Variants in TCF12 observed in about 807,000 individuals in gnomAD.
TCF12 encodes transcription factor 12.
Under a neutral mutation model 86.0 loss-of-function variants are expected in TCF12, and 45 were observed. That is an observed-to-expected ratio of 0.52 (90% CI 0.41 to 0.67). TCF12 has a LOEUF of 0.67. Among genes scored for constraint, TCF12 ranks in the 30% least tolerant of loss-of-function variants. The pLI is 0.00. For synonymous variants in TCF12, 330 were observed against 299.6 expected (o/e 1.10, Z -1.05); for missense variants, 881 against 859.9 (o/e 1.02, Z -0.31).
At chr15:57,060,103 T>C (rs1180168968) in intron 3 of TCF12, among the ~76,000 whole-genome samples, 2 of 152,218 alleles carry the variant, frequency 1.3e-5, no homozygotes, top group East Asian at 3.8e-4. Flanking sequence ...CCTTAAAAAC[T>C]TGAATTTTAC....
At chr15:57,236,014 G>A (rs1338708065) in intron 12 of TCF12, among the ~76,000 whole-genome samples, 2 of 152,196 alleles carry the variant, frequency 1.3e-5, no homozygotes, top group East Asian at 3.9e-4. Flanking sequence ...GTGAAGAAAT[G>A]TTTAATCTAG....
At chr15:57,115,208 C>G (rs2050758822) in intron 5 of TCF12, among the ~76,000 whole-genome samples, 2 of 152,148 alleles carry the variant, frequency 1.3e-5, no homozygotes, top group Non-Finnish European at 2.9e-5. Context: ...AAGTTCTATT[C>G]AAAAATTATA....
chr15:57,122,296 C>G (rs867937882), intron 5 of TCF12, among the ~76,000 whole-genome samples: 158 of 151,932 alleles, frequency 1.0e-3, no homozygotes, highest in African/African-American at 3.8e-3. Flanking sequence ...AGGAGAGATG[C>G]ATGTTTGATT....
chr15:57,152,939 C>T (rs1338245615), intron 5 of TCF12, among the ~76,000 whole-genome samples: 1 of 151,688 alleles, frequency 6.6e-6, no homozygotes, highest in Non-Finnish European at 1.5e-5. Context: ...TTGAAGACAA[C>T]CAGAGGCAGA....
intron 5 of TCF12, among the ~76,000 whole-genome samples, chr15:57,103,752 A>G (rs915031271): frequency 1.3e-4 from 20 of 152,320 alleles, no homozygotes; most frequent in African/African-American, 4.8e-4. Flanking sequence ...TGCACTCATT[A>G]AAACTTACCT....
At chr15:56,955,050 G>C (rs1320237814) in intron 3 of TCF12, among the ~76,000 whole-genome samples, 1 of 151,936 alleles carries the variant, frequency 6.6e-6, no homozygotes, top group Non-Finnish European at 1.5e-5. Context: ...CCCATTACTG[G>C]GTATATACCC....
At chr15:57,008,064 C>A (rs939789306) in intron 3 of TCF12, among the ~76,000 whole-genome samples, 7 of 151,518 alleles carry the variant, frequency 4.6e-5, no homozygotes, top group African/African-American at 1.7e-4. Context: ...GGGCTCAAGC[C>A]ATCCTCATGC....
intron 5 of TCF12, among the ~76,000 whole-genome samples, chr15:57,133,667 G>A (rs984669526): frequency 6.7e-6 from 1 of 149,816 alleles, no homozygotes; most frequent in Admixed American, 6.7e-5. Flanking sequence ...AGTGCTGGCT[G>A]AATAGTTACA....
intron 3 of TCF12, among the ~76,000 whole-genome samples, chr15:57,061,390 C>T (rs1466765482): frequency 6.6e-6 from 1 of 151,854 alleles, no homozygotes; most frequent in African/African-American, 2.4e-5. Flanking sequence ...GCCAGGAGTT[C>T]AAGACCAACC....
intron 3 of TCF12, among the ~76,000 whole-genome samples, chr15:57,044,178 A>T (rs1201062467): frequency 1.3e-5 from 2 of 152,212 alleles, no homozygotes; most frequent in Non-Finnish European, 2.9e-5. Context: ...AAACATGGAC[A>T]GAGTCAGAAC....
At chr15:57,039,340 C>G (rs1225298139) in intron 3 of TCF12, among the ~76,000 whole-genome samples, 3 of 152,112 alleles carry the variant, frequency 2.0e-5, no homozygotes, top group Non-Finnish European at 2.9e-5. Flanking sequence ...CCTGCTTTAC[C>G]CTATTTCTGA....
chr15:57,166,602 G>A, intron 6 of TCF12, 136 bp downstream of exon 6: 1 of 675,970 alleles, frequency 1.5e-6, no homozygotes. Flanking sequence ...GTTGTTTTTT[G>A]CTCTCTTTGC....
At chr15:57,004,454 G>T (rs184192974) in intron 3 of TCF12, among the ~76,000 whole-genome samples, 4 of 152,118 alleles carry the variant, frequency 2.6e-5, no homozygotes, top group Admixed American at 2.6e-4. Flanking sequence ...TGTCGCCCAG[G>T]CTGGAGTGCA....
chr15:57,075,796 T>TCTCTCTCTCTCTCTC (rs1567370337), intron 4 of TCF12, among the ~76,000 whole-genome samples: 1 of 26,072 alleles, frequency 3.8e-5, no homozygotes, highest in African/African-American at 1.2e-4. Flanking sequence ...CTTTCTTTCT[T>TCTCTCTCTCTCTCTC]TCTTTCTTTC....
rs778332559 is a variant in TCF12, at chr15:57,253,292, C to T, written c.1291C>T (p.Leu431=). Residue 431 remains leucine (L), a synonymous_variant, in exon 16 of 21, where the codon CTG becomes TTG. Coordinates refer to ENST00000333725, the MANE Select transcript of TCF12 (RefSeq NM_207037.2). ...TCGAATGGAGGATCGTTTAGACAGA[C>T]TGGATGATGCAATCCATGTGCTGCG... ...QSRMEDRLDR[L]DDAIHVLRNH... 13 of 1,613,776 alleles carry T rather than the reference C, an allele frequency of 8.1e-6. No individual in the cohort carries two copies. The Admixed American group carries it at 1.2e-4, about 14-fold the overall frequency.
intron 3 of TCF12, among the ~76,000 whole-genome samples, chr15:57,001,078 G>A (rs1200698861): frequency 2.0e-5 from 3 of 147,000 alleles, no homozygotes; most frequent in Non-Finnish European, 4.5e-5. Context: ...GTGCAGTGGC[G>A]CGATCTCGGC....
At chr15:57,109,181 C>A (rs1353343888) in intron 5 of TCF12, 1 of 152,016 alleles carries the variant, frequency 6.6e-6, no homozygotes, top group African/African-American at 2.4e-5. Flanking sequence ...ACTGTGAAGC[C>A]CACTGATGCA....
At chr15:57,057,337 T>C (rs1174957287) in intron 3 of TCF12, among the ~76,000 whole-genome samples, 4 of 152,178 alleles carry the variant, frequency 2.6e-5, no homozygotes, top group East Asian at 1.9e-4. Context: ...AAAAAGACAA[T>C]GGGGTTTCTG....
At chr15:56,969,936 T>A (rs566578485) in intron 3 of TCF12, among the ~76,000 whole-genome samples, 1 of 152,312 alleles carries the variant, frequency 6.6e-6, no homozygotes, top group South Asian at 2.1e-4. Context: ...TCCAGACATA[T>A]AGGCAACCTA....
Sources: allele counts gnomAD v4.1 joint callset (sites outside exome capture counted in the v4.1 genomes callset), GRCh38; gene constraint gnomAD v4.1.1; transcripts MANE v1.5; gene names NCBI Gene and HGNC (gene_info 2026-07-23, HGNC 2026-07-21).